LRFN5: variants seen among roughly 807,000 people sequenced by gnomAD.
LRFN5 encodes the protein leucine rich repeat and fibronectin type III domain containing 5, also known as leucine-rich repeat and fibronectin type-III domain-containing protein 5.
Under a neutral mutation model 45.6 loss-of-function variants are expected in LRFN5, and 24 were observed. The observed-to-expected ratio is 0.53, with a 90% CI of 0.38 to 0.74. The LOEUF is 0.74. Ranked by LOEUF, LRFN5 falls within the 30% of genes least tolerant of loss-of-function variation. LRFN5 has a pLI of 0.00. For missense variants in LRFN5, 776 were observed against 861.5 expected, an observed-to-expected ratio of 0.90 and a Z score of 1.24; for synonymous variants, 340 against 313.8, an observed-to-expected ratio of 1.08 and a Z score of -0.88.
intron 1 of LRFN5, among the ~76,000 whole-genome samples, chr14:41,714,651 A>T (rs1883416613): frequency 6.6e-6 from 1 of 152,166 alleles, no homozygotes; most frequent in East Asian, 1.9e-4. Flanking sequence ...CATGCCTGTA[A>T]TCTCAGCACT....
intron 1 of LRFN5, among the ~76,000 whole-genome samples, chr14:41,678,207 A>G (rs1171895627): frequency 1.3e-5 from 2 of 152,154 alleles, no homozygotes; most frequent in South Asian, 2.1e-4. Context: ...GACTTTTTAT[A>G]ATGTTAAAAA....
chr14:41,615,521 A>G (rs1242465164), intron 1 of LRFN5, among the ~76,000 whole-genome samples: 2 of 152,152 alleles, frequency 1.3e-5, no homozygotes, highest in Non-Finnish European at 2.9e-5. Context: ...GTTAGCTATC[A>G]TTAGTCTTCA....
intron 2 of LRFN5, among the ~76,000 whole-genome samples, chr14:41,821,775 G>A (rs892196600): frequency 3.6e-5 from 5 of 140,144 alleles, no homozygotes; most frequent in Admixed American, 2.1e-4. Flanking sequence ...GGTGGGGGAG[G>A]GATTTTTTTT....
At chr14:41,641,440 A>C (rs1879572880) in intron 1 of LRFN5, among the ~76,000 whole-genome samples, 1 of 152,104 alleles carries the variant, frequency 6.6e-6, no homozygotes, top group South Asian at 2.1e-4. Context: ...GGTTAATTTA[A>C]GTTTCAAATT....
rs1443693254 is a variant in LRFN5 at position 41,830,949 on chromosome 14, T to C, written c.-20-55657T>C. 1.3e-5 allele frequency among the ~76,000 whole-genome samples: 2 copies of C among 152,178 alleles called. 1 individual carries two copies. Among genetic ancestry groups the C allele is most frequent in the Non-Finnish European group, 2.9e-5 (2 of 68,040 alleles). ...TGTTGCGTCATTTCTTTCTTCTACATCTCACAGAAATTTATCTTTAGGCAA... is the reference window on the plus strand; with the variant it reads ...TGTTGCGTCATTTCTTTCTTCTACACCTCACAGAAATTTATCTTTAGGCAA... On this transcript the variant is annotated intron_variant, in intron 2 of 5. Coordinates refer to ENST00000298119, the MANE Select transcript of LRFN5 (RefSeq NM_152447.5).
chr14:41,902,692 T>C (rs1304271419), intron 5 of LRFN5, among the ~76,000 whole-genome samples: 1 of 151,870 alleles, frequency 6.6e-6, no homozygotes, highest in Admixed American at 6.6e-5. Context: ...CATTTATTAC[T>C]TAAAAACTTA....
chr14:41,683,445 A>G (rs891563082), intron 1 of LRFN5, among the ~76,000 whole-genome samples: 1 of 152,320 alleles, frequency 6.6e-6, no homozygotes, highest in East Asian at 1.9e-4. Flanking sequence ...GTTATTCAAC[A>G]TAGTATGGGG....
chr14:41,812,218 G>A (rs1208493795), intron 2 of LRFN5, among the ~76,000 whole-genome samples: 1 of 151,958 alleles, frequency 6.6e-6, no homozygotes, highest in Non-Finnish European at 1.5e-5. Context: ...AATGATATCA[G>A]AGAAATAATA....
At chr14:41,709,192 A>ATATTT (rs1056625235) in intron 1 of LRFN5, among the ~76,000 whole-genome samples, 4 of 151,926 alleles carry the variant, frequency 2.6e-5, no homozygotes, top group Admixed American at 6.6e-5. Flanking sequence ...AACATAATAT[A>ATATTT]TATTTTATTT....
chr14:41,720,560 C>T (rs190825033), intron 1 of LRFN5, among the ~76,000 whole-genome samples: 14 of 152,130 alleles, frequency 9.2e-5, no homozygotes, highest in African/African-American at 3.4e-4. Flanking sequence ...CACTGTATCT[C>T]CTATATTTTG....
chr14:41,795,048 A>T (rs936084967), intron 2 of LRFN5, among the ~76,000 whole-genome samples: 1 of 152,064 alleles, frequency 6.6e-6, no homozygotes, highest in African/African-American at 2.4e-5. Context: ...ATATATTCTT[A>T]TAAGTGGGCT....
At chr14:41,900,270 G>A (rs954074930) in intron 5 of LRFN5, among the ~76,000 whole-genome samples, 1 of 151,976 alleles carries the variant, frequency 6.6e-6, no homozygotes, top group East Asian at 1.9e-4. Context: ...GCGAGTAAAT[G>A]TCTACGTAAG....
intron 2 of LRFN5, among the ~76,000 whole-genome samples, chr14:41,837,852 C>T (rs903076083): frequency 3.3e-5 from 5 of 152,140 alleles, no homozygotes; most frequent in South Asian, 2.1e-4. Flanking sequence ...GCAAGCTAAC[C>T]GCTGACAATT....
chr14:41,652,746 C>T lies in LRFN5; in HGVS notation c.-197+44184C>T, dbSNP rs748196161. 8.5e-4 allele frequency among the ~76,000 whole-genome samples: 129 copies of T among 152,200 alleles called. 1 individual carries two copies. Among genetic ancestry groups the T allele is most frequent in the Non-Finnish European group, 1.4e-3 (98 of 67,994 alleles). ...CTTTGAGGAATTGCTGCACTATCTTCCAAAATGGTTGAACTAATTTGTACT... is the reference window on the plus strand; with the variant it reads ...CTTTGAGGAATTGCTGCACTATCTTTCAAAATGGTTGAACTAATTTGTACT... On this transcript the variant is annotated intron_variant, in intron 1 of 5. Transcript: ENST00000298119.
chr14:41,846,221 A>T (rs1889057603), intron 2 of LRFN5, among the ~76,000 whole-genome samples: 1 of 151,654 alleles, frequency 6.6e-6, no homozygotes, highest in Admixed American at 6.6e-5. Context: ...ACAGACACAC[A>T]CACACACACA....
At chr14:41,688,556 GGAA>G (rs1467354453) in intron 1 of LRFN5, among the ~76,000 whole-genome samples, 1 of 151,500 alleles carries the variant, frequency 6.6e-6, no homozygotes, top group African/African-American at 2.4e-5. Context: ...ATGATCAACT[GGAA>G]GAAATTTGTG....
At chr14:41,882,628 A>G (rs547944595) in intron 2 of LRFN5, among the ~76,000 whole-genome samples, 79 of 152,172 alleles carry the variant, frequency 5.2e-4, no homozygotes, top group African/African-American at 1.6e-3. Context: ...CTGTTACTCA[A>G]TGAAGGTATG....
intron 1 of LRFN5, among the ~76,000 whole-genome samples, chr14:41,730,313 T>C (rs963472462): frequency 6.6e-6 from 1 of 151,996 alleles, no homozygotes; most frequent in Non-Finnish European, 1.5e-5. Flanking sequence ...CTACAGTAAA[T>C]ATTGAACAAA....
At chr14:41,786,855 G>A (rs1886740386) in intron 2 of LRFN5, among the ~76,000 whole-genome samples, 1 of 151,626 alleles carries the variant, frequency 6.6e-6, no homozygotes, top group Admixed American at 6.6e-5. Flanking sequence ...CTTTATTTTA[G>A]GCAGTTTCTA....
Sources: allele counts gnomAD v4.1 joint callset (sites outside exome capture counted in the v4.1 genomes callset), GRCh38; gene constraint gnomAD v4.1.1; transcripts MANE v1.5; gene names NCBI Gene and HGNC (gene_info 2026-07-23, HGNC 2026-07-21).